Variants in HNRNPR observed in about 807,000 individuals in gnomAD.
HNRNPR encodes the protein heterogeneous nuclear ribonucleoprotein R.
A neutral mutation model predicts 70.3 loss-of-function variants in HNRNPR; 4 were observed. The ratio of observed to expected loss-of-function variants is 0.06; its 90% CI spans 0.03 to 0.13. The LOEUF is 0.13. HNRNPR is among the 10% of genes least tolerant of loss of function. The pLI, the probability that HNRNPR is intolerant of heterozygous loss-of-function variation, is 1.00. For missense variants in HNRNPR, 423 were observed against 788.5 expected, an observed-to-expected ratio of 0.54 and a Z score of 5.55; for synonymous variants, 241 against 267.6, an observed-to-expected ratio of 0.90 and a Z score of 0.97.
At chr1:23,322,668 T>G (rs971362447) in intron 6 of HNRNPR, among the ~76,000 whole-genome samples, 2 of 151,940 alleles carry the variant, frequency 1.3e-5, no homozygotes, top group African/African-American at 4.8e-5. Context: ...GAAGAAAAAA[T>G]CCATAATAAA....
chr1:23,337,031 T>A (rs959515878), intron 4 of HNRNPR, among the ~76,000 whole-genome samples: 5 of 152,324 alleles, frequency 3.3e-5, no homozygotes, highest in Non-Finnish European at 5.9e-5. Flanking sequence ...ACTATTACTA[T>A]CCCCATTTTA....
At chr1:23,341,719 TA>T (rs956903972) in intron 1 of HNRNPR, among the ~76,000 whole-genome samples, 4 of 151,160 alleles carry the variant, frequency 2.6e-5, no homozygotes, top group African/African-American at 7.3e-5. Context: ...GGTTGCTTCT[TA>T]AAAAAAAAGA....
intron 5 of HNRNPR, among the ~76,000 whole-genome samples, chr1:23,328,009 A>AAAAAAG (rs1646062415): frequency 1.3e-5 from 2 of 151,452 alleles, no homozygotes; most frequent in Admixed American, 1.3e-4. Context: ...AAAAAAAAAA[A>AAAAAAG]AAAAGAAAAG....
At chr1:23,313,827 G>A in intron 8 of HNRNPR, 125 bp from the exon 9 acceptor site, 1 of 1,055,394 alleles carries the variant, frequency 9.5e-7, no homozygotes, top group African/African-American at 1.7e-5. Context: ...TGTTGTTACA[G>A]GTAGTAAGAG....
intron 7 of HNRNPR, among the ~76,000 whole-genome samples, chr1:23,320,712 T>C (rs1020456140): frequency 1.6e-4 from 24 of 152,266 alleles, no homozygotes; most frequent in African/African-American, 5.8e-4. Context: ...CAATTGGCAT[T>C]TTAAAAAATG....
At chr1:23,313,412 T>C (rs945246050) in intron 9 of HNRNPR, 141 bp downstream of exon 9, 17 of 612,000 alleles carry the variant, frequency 2.8e-5, no homozygotes, top group Non-Finnish European at 4.2e-5. Context: ...TACATACTAT[T>C]ACCACTTTAC....
rs1374998251 is a variant in HNRNPR, at chr1:23,318,653, C to T, written c.847G>A (p.Asp283Asn). The T allele has an allele frequency of 3.1e-6, 5 of 1,614,132 alleles. No individual in the cohort carries two copies. The highest frequency in any genetic ancestry group is 4.2e-6 in the Non-Finnish European group (5 of 1,180,012). ...LVDVILYHQP[D>N]DKKKNRGFCF... ...AACCCCCGATTCTTCTTTTTGTCAT[C>T]GGGTTGATGATAGAGAATAACGTCC... is the stretch of plus-strand genomic sequence containing the variant. Residue 283 changes from aspartate (D) to asparagine (N), a missense_variant, in exon 8 of 11, where the codon GAT becomes AAT. Physicochemically the swap from Asp to Asn is conservative, Grantham distance 23. Around this residue, in one of 7 missense-constraint regions of HNRNPR, gnomAD observed 118 missense variants for 239.3 expected, o/e 0.49. Coordinates refer to ENST00000302271, the MANE Select transcript of HNRNPR (RefSeq NM_005826.5). The surrounding 1 kb of genome is among the most constrained non-coding windows in gnomAD (Gnocchi z 4.2).
intron 7 of HNRNPR, among the ~76,000 whole-genome samples, chr1:23,321,100 T>C (rs981543487): frequency 1.4e-5 from 2 of 141,728 alleles, no homozygotes; most frequent in Non-Finnish European, 3.0e-5. Context: ...GAGGCGGAGG[T>C]TGCAGTGAGC....
chr1:23,335,293 C>T (rs144962061), intron 4 of HNRNPR, among the ~76,000 whole-genome samples: 1 of 152,356 alleles, frequency 6.6e-6, no homozygotes, highest in African/African-American at 2.4e-5. Flanking sequence ...ACTAGGATTT[C>T]ACAGGGATGC....
chr1:23,329,102 G>A (rs980030278), intron 5 of HNRNPR, among the ~76,000 whole-genome samples: 2 of 152,084 alleles, frequency 1.3e-5, no homozygotes, highest in African/African-American at 4.8e-5. Flanking sequence ...GCCTGGGCAA[G>A]AGTGAGATCT....
intron 1 of HNRNPR, among the ~76,000 whole-genome samples, chr1:23,342,104 A>C (rs1197430759): frequency 6.6e-6 from 1 of 152,242 alleles, no homozygotes; most frequent in Admixed American, 6.5e-5. Context: ...GAAAAAGCCT[A>C]CTTTTCTTGA....
In HNRNPR at chr1:23,318,961, C is replaced by T. The variant is rs1009793815; in HGVS notation, c.812-273G>A. Among the ~76,000 whole-genome samples the T allele has an allele frequency of 5.3e-5, 8 of 152,090 alleles. No individual in the cohort carries two copies. The highest frequency in any genetic ancestry group is 1.2e-4 in the African/African-American group (5 of 41,402). Reference sequence around the variant, plus strand: ...TTTAACATGCTACAATGTTTTAGAGCGTTTGATATAACATGACTTTATTAA... The same window carrying T: ...TTTAACATGCTACAATGTTTTAGAGTGTTTGATATAACATGACTTTATTAA... On this transcript the variant is annotated intron_variant, in intron 7 of 10. Transcript: ENST00000302271. This position sits in a 1 kb window ranked among gnomAD's most constrained non-coding sequence, Gnocchi z 4.2.
chr1:23,321,541 G>C lies in HNRNPR; in HGVS notation c.798C>G (p.Phe266Leu), dbSNP rs747651413. ...TTTTTGTTTTACCTGTGACTTTACT[G>C]AATTCTTCCAAAATGTTTTCTTTAG... Reference protein sequence around the residue: ...NKTKENILEEFSKVTEGLVDV... With the variant: ...NKTKENILEELSKVTEGLVDV... The change falls in exon 7 of 11, where the codon TTC becomes TTG. Residue 266 changes from phenylalanine to leucine, a missense_variant. Transcript: ENST00000302271. 1 of 1,612,070 alleles carries C rather than the reference G, an allele frequency of 6.2e-7. No homozygotes were observed. Among genetic ancestry groups the C allele is most frequent in the Non-Finnish European group, 8.5e-7 (1 of 1,178,936 alleles).
chr1:23,343,785 C>A (rs1646797121), intron 1 of HNRNPR, among the ~76,000 whole-genome samples: 1 of 152,134 alleles, frequency 6.6e-6, no homozygotes, highest in Admixed American at 6.5e-5. Context: ...TCCCCTCAGG[C>A]CCGTCCGGAT....
At position 23,323,779 on chromosome 1, in the gene HNRNPR, T is replaced by G. The variant is rs571862295; in HGVS notation, c.499-47A>C. ...AGAATCCAACATAAGCATTTGATTTTAGAGCCATAAAGCCTACTGCCTTTT... is the reference window on the plus strand; with the variant it reads ...AGAATCCAACATAAGCATTTGATTTGAGAGCCATAAAGCCTACTGCCTTTT... On this transcript the variant is annotated intron_variant, in intron 5 of 10. Coordinates refer to ENST00000302271, the MANE Select transcript of HNRNPR (RefSeq NM_005826.5). 10 of 1,542,530 alleles carry G rather than the reference T, an allele frequency of 6.5e-6. No individual in the cohort carries two copies. In the South Asian group the frequency reaches 1.1e-4, roughly 17 times the overall value.
rs1251726225 is a variant in HNRNPR, at chr1:23,326,327, T to TA, written c.499-2596dup. Among the ~76,000 whole-genome samples, 12 of 152,290 alleles carry TA rather than the reference T, an allele frequency of 7.9e-5. No homozygotes were observed. The South Asian group carries it at 2.5e-3, about 32-fold the overall frequency. On this transcript the variant is annotated intron_variant, in intron 5 of 10. Transcript: ENST00000302271. ...CAACTAGGGATACAAGATACTGTTA[T>TA]ATGTGATTTAAGTGATGTCCCTGCA...
intron 5 of HNRNPR, among the ~76,000 whole-genome samples, chr1:23,325,097 G>A (rs768941208): frequency 1.9e-4 from 29 of 151,674 alleles, no homozygotes; most frequent in Non-Finnish European, 2.6e-4. Flanking sequence ...CCGAGATCGC[G>A]CCACTACACT....
At position 23,326,747 on chromosome 1, in the gene HNRNPR, T is replaced by C. The variant is rs539718898; in HGVS notation, c.499-3015A>G. On this transcript the variant is annotated intron_variant, in intron 5 of 10. Transcript: ENST00000302271. Reference sequence around the variant, plus strand: ...TTGCAGCGAGCTGAGATCGCGCCATTGCACCCCAGCCTGGGTGACAAGAGT... The same window carrying C: ...TTGCAGCGAGCTGAGATCGCGCCATCGCACCCCAGCCTGGGTGACAAGAGT... Among the ~76,000 whole-genome samples the C allele has an allele frequency of 6.6e-5, 10 of 152,290 alleles. No individual in the cohort carries two copies. In the East Asian group the frequency reaches 1.5e-3, roughly 23 times the overall value.
chr1:23,310,711 G>T lies in HNRNPR; in HGVS notation c.1645C>A (p.Pro549Thr). 6.2e-7 allele frequency: 1 copy of T among 1,613,342 alleles called. No individual in the cohort carries two copies. Among genetic ancestry groups the T allele is most frequent in the East Asian group, 2.2e-5 (1 of 44,834 alleles). The change falls in exon 11 of 11, where the codon CCT becomes ACT. Residue 549 changes from proline to threonine, a missense_variant. Physicochemically the swap from Pro to Thr is conservative, Grantham distance 38. Around this residue, in one of 7 missense-constraint regions of HNRNPR, gnomAD observed 169 missense variants for 195.6 expected, o/e 0.86. Transcript: ENST00000302271. The surrounding 1 kb of genome is among the most constrained non-coding windows in gnomAD (Gnocchi z 6.0). ...CCACGGCCTCTCTGCTGTTGAGCAG[G>T]ACCCCCTCTGCCACCCCTAGAGCCT... is the stretch of plus-strand genomic sequence containing the variant. The part of the protein sequence containing the change: ...PRGSRGGRGG[P>T]AQQQRGRGSR...
Sources: gnomAD v4.1 joint callset for allele counts (sites outside exome capture counted in the v4.1 genomes callset) on GRCh38, gnomAD v4.1.1 for gene constraint, gnomAD v4.1.1 regional missense constraint, Gnocchi (gnomAD v3.1) non-coding constraint, MANE v1.5 for transcripts, NCBI Gene and HGNC (gene_info 2026-07-23, HGNC 2026-07-21) for gene names.